The following SNRPN variants were observed in gnomAD, a reference collection of about 807,000 sequenced individuals.
SNRPN encodes the protein small nuclear ribonucleoprotein polypeptide N.
SNRPN carries 7 observed loss-of-function variants against 25.2 expected under a neutral mutation model. The observed-to-expected ratio is 0.28, with a 90% CI of 0.16 to 0.52. SNRPN has a LOEUF of 0.52. SNRPN is among the 20% of genes least tolerant of loss of function. The pLI is 0.96. For synonymous variants in SNRPN, 124 were observed against 110.6 expected (o/e 1.12, Z -0.76); for missense variants, 196 against 322.5 (o/e 0.61, Z 3.00).
rs1290631727 is a variant in SNRPN at position 24,859,035 on chromosome 15, G to A, written c.-579+2319G>A. Among the ~76,000 whole-genome samples, 11 of 151,818 alleles carry A rather than the reference G, an allele frequency of 7.2e-5. No individual in the cohort carries two copies. The South Asian group carries it at 1.7e-3, about 23-fold the overall frequency. On this transcript the variant is annotated intron_variant, in intron 1 of 11. Transcript: ENST00000400097. ...TCCCCTTTTCCCCTCTCTCCCTTAT[G>A]TGCCCACCTTATCTAAAGAAAGTTC...
At chr15:24,898,769 C>T (rs1303852419) in intron 2 of SNRPN, among the ~76,000 whole-genome samples, 1 of 151,998 alleles carries the variant, frequency 6.6e-6, no homozygotes. Flanking sequence ...GGACCCAACA[C>T]CAGGCCGTGG....
At chr15:24,909,193 G>A in intron 2 of SNRPN, 1 of 1,467,752 alleles carries the variant, frequency 6.8e-7, no homozygotes, top group Non-Finnish European at 9.5e-7. Context: ...CTTCCATTAA[G>A]TAGCACATGT....
intron 2 of SNRPN, among the ~76,000 whole-genome samples, chr15:24,893,095 G>A (rs1319281403): frequency 1.3e-5 from 2 of 152,106 alleles, no homozygotes; most frequent in African/African-American, 4.8e-5. Context: ...TGTAATCCCA[G>A]TTATTCGGAG....
At chr15:24,948,560 G>A (rs2062026400) in intron 3 of SNRPN, among the ~76,000 whole-genome samples, 1 of 151,950 alleles carries the variant, frequency 6.6e-6, no homozygotes, top group South Asian at 2.1e-4. Context: ...ACTTTATCCA[G>A]ATGTCTTTGG....
intron 3 of SNRPN, among the ~76,000 whole-genome samples, chr15:24,942,840 G>C (rs2061638672): frequency 6.6e-6 from 1 of 152,128 alleles, no homozygotes. Context: ...TTGGTGAATG[G>C]GAGTTCATGT....
At chr15:24,916,211 C>G (rs530667250) in intron 2 of SNRPN, among the ~76,000 whole-genome samples, 1 of 152,124 alleles carries the variant, frequency 6.6e-6, no homozygotes, top group Non-Finnish European at 1.5e-5. Context: ...CCACCCACCT[C>G]GGCCTCCCAA....
At chr15:24,886,067 C>T (rs1298957059) in intron 1 of SNRPN, among the ~76,000 whole-genome samples, 5 of 152,088 alleles carry the variant, frequency 3.3e-5, no homozygotes, top group African/African-American at 4.8e-5. Context: ...AGTCAGGCTC[C>T]GGAACGTTCT....
Position 24,967,996 on chromosome 15 carries a change from CTG to C in SNRPN, c.-229_-228del. 1 of 1,614,008 alleles carries C rather than the reference CTG, an allele frequency of 6.2e-7. No homozygotes were observed. Among genetic ancestry groups the C allele is most frequent in the Non-Finnish European group, 8.5e-7 (1 of 1,180,000 alleles). On this transcript the variant is annotated 5_prime_UTR_variant, in exon 3 of 10. An upstream open reading frame in the 5' UTR gains an earlier in-frame stop. Transcript: ENST00000390687. ...ACCTGTGGTGGATTTCCAGGCTGAACTGAGGCAGGCATTCTTAGCTGAGACAC... is the reference window on the plus strand; with the variant it reads ...ACCTGTGGTGGATTTCCAGGCTGAACAGGCAGGCATTCTTAGCTGAGACAC...
At chr15:24,905,478 G>A (rs1269707375) in intron 2 of SNRPN, among the ~76,000 whole-genome samples, 2 of 147,994 alleles carry the variant, frequency 1.4e-5, no homozygotes, top group Non-Finnish European at 3.0e-5. Context: ...CACTGCACTC[G>A]AGCCTGGGTG....
chr15:24,939,950 C>T (rs574599894), intron 3 of SNRPN, among the ~76,000 whole-genome samples: 12 of 152,082 alleles, frequency 7.9e-5, no homozygotes, highest in African/African-American at 2.7e-4. Context: ...CCACCATGCC[C>T]AGCTAATTTT....
At chr15:24,860,794 T>C (rs917499513) in intron 1 of SNRPN, among the ~76,000 whole-genome samples, 1 of 152,236 alleles carries the variant, frequency 6.6e-6, no homozygotes, top group Admixed American at 6.5e-5. Context: ...ATTGCTTTTA[T>C]TTAATTTAAA....
At chr15:24,883,448 C>T (rs1177754049) in intron 1 of SNRPN, among the ~76,000 whole-genome samples, 1 of 152,072 alleles carries the variant, frequency 6.6e-6, no homozygotes, top group Non-Finnish European at 1.5e-5. Context: ...GGCTCAGGGC[C>T]AGTTTTATAA....
At chr15:24,913,534 T>C (rs1182166509) in intron 2 of SNRPN, among the ~76,000 whole-genome samples, 1 of 152,080 alleles carries the variant, frequency 6.6e-6, no homozygotes, top group Non-Finnish European at 1.5e-5. Context: ...TCCCAGCTAC[T>C]TGACAGGCTA....
chr15:24,876,626 A>G (rs1352652135), intron 1 of SNRPN, among the ~76,000 whole-genome samples: 1 of 151,978 alleles, frequency 6.6e-6, no homozygotes, highest in Non-Finnish European at 1.5e-5. Context: ...CAAAAAAAAA[A>G]AAAAAAAAGA....
intron 2 of SNRPN, among the ~76,000 whole-genome samples, chr15:24,919,604 T>C (rs998649137): frequency 2.0e-5 from 3 of 152,066 alleles, no homozygotes; most frequent in Admixed American, 6.6e-5. Flanking sequence ...AAATTACCAA[T>C]GAGAAACCTC....
intron 3 of SNRPN, among the ~76,000 whole-genome samples, chr15:24,942,105 G>A (rs1007328611): frequency 5.3e-5 from 8 of 152,114 alleles, no homozygotes; most frequent in African/African-American, 1.9e-4. Context: ...TTCTACTTCA[G>A]TCCAATTACT....
intron 3 of SNRPN, among the ~76,000 whole-genome samples, chr15:24,931,634 T>C (rs1299087268): frequency 6.6e-6 from 1 of 150,984 alleles, no homozygotes; most frequent in Non-Finnish European, 1.5e-5. Context: ...AGTTCTGGAG[T>C]TCGAGACCAG....
At chr15:24,874,854 G>C (rs943038128) in intron 1 of SNRPN, among the ~76,000 whole-genome samples, 2 of 152,192 alleles carry the variant, frequency 1.3e-5, no homozygotes, top group Non-Finnish European at 2.9e-5. Context: ...TGATTCAGAA[G>C]AGTTTGATCT....
At chr15:24,896,756 TAGAAAAGACTCTGTCTCTTCACTG>T (rs1451755081) in intron 2 of SNRPN, among the ~76,000 whole-genome samples, 1 of 151,494 alleles carries the variant, frequency 6.6e-6, no homozygotes, top group Non-Finnish European at 1.5e-5. Flanking sequence ...TCAGGGAAAA[TAGAAAAGACTCTGTCTCTTCACTG>T]TTGCCTTTGA....
Sources: gnomAD v4.1 joint callset for allele counts (sites outside exome capture counted in the v4.1 genomes callset) on GRCh38, gnomAD v4.1.1 for gene constraint, MANE v1.5 for transcripts, NCBI Gene and HGNC (gene_info 2026-07-23, HGNC 2026-07-21) for gene names.